The following RIT2 variants were observed in gnomAD, a reference collection of about 807,000 sequenced individuals.
The protein encoded by RIT2 is GTP-binding protein Rit2.
RIT2 carries 24 observed loss-of-function variants against 23.7 expected under a neutral mutation model. That is an observed-to-expected ratio of 1.01 (90% CI 0.73 to 1.43). The LOEUF (loss-of-function observed/expected upper bound fraction) is 1.43, where lower values mean the gene tolerates loss of function less well. Among genes scored for constraint, RIT2 ranks in the 40% most tolerant of loss-of-function variants. RIT2 has a pLI of 0.00. For missense variants in RIT2, 236 were observed against 266.9 expected, an observed-to-expected ratio of 0.88 and a Z score of 0.81; for synonymous variants, 107 against 91.1, an observed-to-expected ratio of 1.17 and a Z score of -0.99.
chr18:42,880,673 T>C (rs1907864824), intron 4 of RIT2, among the ~76,000 whole-genome samples: 2 of 152,270 alleles, frequency 1.3e-5, no homozygotes, highest in African/African-American at 4.8e-5. Flanking sequence ...TTCATCCTAC[T>C]TTAAATACTT....
At chr18:42,795,208 G>A (rs1485739166) in intron 4 of RIT2, among the ~76,000 whole-genome samples, 2 of 152,224 alleles carry the variant, frequency 1.3e-5, no homozygotes, top group Non-Finnish European at 2.9e-5. Flanking sequence ...GGCTGGCCAA[G>A]GCCGGAGCCC....
intron 1 of RIT2, among the ~76,000 whole-genome samples, chr18:43,094,120 T>C (rs1342668966): frequency 1.2e-5 from 1 of 83,714 alleles, no homozygotes; most frequent in Non-Finnish European, 2.7e-5. Flanking sequence ...GTGGGTTTTT[T>C]TTGTTTTTTT....
At chr18:43,094,020 T>G (rs1468528023) in intron 1 of RIT2, among the ~76,000 whole-genome samples, 6 of 151,682 alleles carry the variant, frequency 4.0e-5, no homozygotes, top group East Asian at 1.9e-4. Context: ...CACCAAAAAT[T>G]CAATAATCTA....
chr18:42,765,225 C>T (rs1913393012), intron 4 of RIT2, among the ~76,000 whole-genome samples: 1 of 152,114 alleles, frequency 6.6e-6, no homozygotes, highest in African/African-American at 2.4e-5. Context: ...GAAATGTATG[C>T]CAATGCCTAA....
chr18:42,856,232 T>C (rs760775298), intron 4 of RIT2, among the ~76,000 whole-genome samples: 12 of 152,254 alleles, frequency 7.9e-5, no homozygotes, highest in Non-Finnish European at 1.6e-4. Flanking sequence ...TTTGTTTGAC[T>C]GTAGGTCATT....
At chr18:42,845,284 T>G (rs1445787922) in intron 4 of RIT2, among the ~76,000 whole-genome samples, 1 of 152,008 alleles carries the variant, frequency 6.6e-6, no homozygotes, top group Non-Finnish European at 1.5e-5. Flanking sequence ...TTACAGATAC[T>G]AGACAGTAGT....
At chr18:43,007,214 G>T (rs956280026) in intron 2 of RIT2, among the ~76,000 whole-genome samples, 7 of 151,686 alleles carry the variant, frequency 4.6e-5, no homozygotes, top group Non-Finnish European at 1.5e-5. Context: ...CTTAAGTAGG[G>T]ATAAGCATTA....
chr18:43,089,958 C>T (rs1350535714), intron 1 of RIT2, among the ~76,000 whole-genome samples: 4 of 152,074 alleles, frequency 2.6e-5, no homozygotes, highest in African/African-American at 9.7e-5. Context: ...CTAGGCAATA[C>T]TATCCTGGAC....
chr18:42,746,919 A>T (rs909729796), intron 4 of RIT2, among the ~76,000 whole-genome samples: 1 of 152,108 alleles, frequency 6.6e-6, no homozygotes, highest in Non-Finnish European at 1.5e-5. Flanking sequence ...AATAAAAGCT[A>T]TCTATTACAA....
chr18:42,821,915 G>C (rs1906163110), intron 4 of RIT2, among the ~76,000 whole-genome samples: 1 of 152,126 alleles, frequency 6.6e-6, no homozygotes, highest in South Asian at 2.1e-4. Context: ...ATGTAAAGTA[G>C]AAACTAGGTA....
At chr18:42,787,168 G>A (rs549400429) in intron 4 of RIT2, among the ~76,000 whole-genome samples, 3 of 123,676 alleles carry the variant, frequency 2.4e-5, no homozygotes, top group African/African-American at 9.7e-5. Context: ...TGTGATGTTT[G>A]CCTTCCTGTG....
At chr18:42,965,599 C>T (rs1283155718) in intron 3 of RIT2, among the ~76,000 whole-genome samples, 3 of 151,120 alleles carry the variant, frequency 2.0e-5, no homozygotes, top group African/African-American at 7.3e-5. Context: ...AATAAATACT[C>T]CTAATGTTTA....
intron 4 of RIT2, among the ~76,000 whole-genome samples, chr18:42,804,396 A>G (rs1237192416): frequency 6.6e-6 from 1 of 151,910 alleles, no homozygotes; most frequent in Admixed American, 6.6e-5. Flanking sequence ...TCTACTAAAA[A>G]TACAAAAAAT....
chr18:42,744,900 G>C (rs896586324), intron 4 of RIT2, among the ~76,000 whole-genome samples: 1 of 152,134 alleles, frequency 6.6e-6, no homozygotes. Flanking sequence ...CCCATGCTGT[G>C]GTTCATGCTG....
At chr18:42,808,373 C>T (rs1429835347) in intron 4 of RIT2, among the ~76,000 whole-genome samples, 3 of 152,140 alleles carry the variant, frequency 2.0e-5, no homozygotes, top group African/African-American at 4.8e-5. Flanking sequence ...AAAAAATACA[C>T]ATAGAGGACA....
At chr18:43,110,271 A>C (rs1460936772) in intron 1 of RIT2, among the ~76,000 whole-genome samples, 1 of 152,074 alleles carries the variant, frequency 6.6e-6, no homozygotes, top group East Asian at 1.9e-4. Flanking sequence ...TGTACCCATA[A>C]AAATAAAAAA....
At chr18:42,947,831 T>C (rs1436700685) in intron 3 of RIT2, among the ~76,000 whole-genome samples, 1 of 152,120 alleles carries the variant, frequency 6.6e-6, no homozygotes, top group Non-Finnish European at 1.5e-5. Flanking sequence ...GTATATAAAA[T>C]ACATTTAAGT....
rs1555650889 is a variant in RIT2, at chr18:42,990,915, T to TTTC, written c.161-16769_161-16768insGAA. ...CCTATTATGCTACACTGGTTTTGTT[T>TTTC]TTTTTTTTTTTTTTTTAAAGACTAA... On this transcript the variant is annotated intron_variant, in intron 2 of 4. Transcript: ENST00000326695. 6.7e-5 allele frequency among the ~76,000 whole-genome samples: 10 copies of TTTC among 148,310 alleles called. No homozygotes were observed. In the East Asian group the frequency reaches 1.2e-3, roughly 17 times the overall value.
At position 42,757,632 on chromosome 18, in the gene RIT2, C is replaced by T. The variant is rs148899540; in HGVS notation, c.427-13912G>A. Among the ~76,000 whole-genome samples the T allele has an allele frequency of 2.0e-3, 309 of 152,258 alleles. 2 individuals are homozygous for T. Among genetic ancestry groups the T allele is most frequent in the African/African-American group, 7.2e-3 (297 of 41,536 alleles). On this transcript the variant is annotated intron_variant, in intron 4 of 4. Coordinates refer to ENST00000326695, the MANE Select transcript of RIT2 (RefSeq NM_002930.4). ...GAGACAGGCATTTTTTGAAAATGTACGTGCCTGTGCTTATTGGTACCACTA... is the reference window on the plus strand; with the variant it reads ...GAGACAGGCATTTTTTGAAAATGTATGTGCCTGTGCTTATTGGTACCACTA...
Sources: gnomAD v4.1 joint callset for allele counts (sites outside exome capture counted in the v4.1 genomes callset) on GRCh38, gnomAD v4.1.1 for gene constraint, MANE v1.5 for transcripts, NCBI Gene and HGNC (gene_info 2026-07-23, HGNC 2026-07-21) for gene names.